The following HS3ST3A1 variants were observed in gnomAD, a reference collection of about 807,000 sequenced individuals.
HS3ST3A1 encodes the protein heparan sulfate-glucosamine 3-sulfotransferase 3A1, also known as heparan sulfate glucosamine 3-O-sulfotransferase 3A1.
HS3ST3A1 carries 19 observed loss-of-function variants against 25.7 expected under a neutral mutation model. The ratio of observed to expected loss-of-function variants is 0.74; its 90% CI spans 0.52 to 1.08. HS3ST3A1 has a LOEUF of 1.08. Ranked by LOEUF, HS3ST3A1 falls within the 50% of genes least tolerant of loss-of-function variation. HS3ST3A1 has a pLI of 0.00. For synonymous variants in HS3ST3A1, 226 were observed against 278.6 expected (o/e 0.81, Z 1.88); for missense variants, 459 against 594.3 (o/e 0.77, Z 2.37).
intron 1 of HS3ST3A1, among the ~76,000 whole-genome samples, chr17:13,537,019 C>G (rs1906790428): frequency 6.6e-6 from 1 of 152,168 alleles, no homozygotes; most frequent in African/African-American, 2.4e-5. Flanking sequence ...ACAGTACCTC[C>G]TCTGCAACTA....
chr17:13,578,357 G>A (rs996238743), intron 1 of HS3ST3A1, among the ~76,000 whole-genome samples: 39 of 148,852 alleles, frequency 2.6e-4, no homozygotes, highest in Admixed American at 1.2e-3. Flanking sequence ...AGACCAGCCC[G>A]GCCAACACGG....
At chr17:13,552,754 A>T (rs1222966134) in intron 1 of HS3ST3A1, among the ~76,000 whole-genome samples, 1 of 152,166 alleles carries the variant, frequency 6.6e-6, no homozygotes, top group African/African-American at 2.4e-5. Flanking sequence ...CACAGCTAAG[A>T]CCTTTCCCAA....
chr17:13,552,463 T>C (rs531852848), intron 1 of HS3ST3A1, among the ~76,000 whole-genome samples: 2 of 152,246 alleles, frequency 1.3e-5, no homozygotes, highest in Admixed American at 6.5e-5. Flanking sequence ...AAAATACGAT[T>C]CCAGTGTTGA....
intron 1 of HS3ST3A1, among the ~76,000 whole-genome samples, chr17:13,510,344 TA>T (rs1905819274): frequency 6.6e-6 from 1 of 152,212 alleles, no homozygotes; most frequent in Non-Finnish European, 1.5e-5. Flanking sequence ...CAGCTGGAGA[TA>T]AGGGGGGAAA....
intron 1 of HS3ST3A1, among the ~76,000 whole-genome samples, chr17:13,596,110 C>T (rs1908568821): frequency 6.6e-6 from 1 of 152,044 alleles, no homozygotes; most frequent in Non-Finnish European, 1.5e-5. Flanking sequence ...GAGATTATAA[C>T]GTAGTGGTGG....
chr17:13,531,789 A>T (rs1906613976), intron 1 of HS3ST3A1, among the ~76,000 whole-genome samples: 1 of 152,154 alleles, frequency 6.6e-6, no homozygotes, highest in African/African-American at 2.4e-5. Context: ...CTTCTTATTA[A>T]TATGCAAATT....
chr17:13,557,839 AC>A (rs2142362299), intron 1 of HS3ST3A1, among the ~76,000 whole-genome samples: 1 of 152,328 alleles, frequency 6.6e-6, no homozygotes, highest in African/African-American at 2.4e-5. Flanking sequence ...AGATCTCAAG[AC>A]CTGGAATCCT....
chr17:13,546,518 G>A (rs1384064137), intron 1 of HS3ST3A1, among the ~76,000 whole-genome samples: 4 of 152,106 alleles, frequency 2.6e-5, no homozygotes, highest in Admixed American at 6.5e-5. Flanking sequence ...TACCCGCCTC[G>A]GCCTCCCAAA....
Position 13,601,302 on chromosome 17 carries a change from C to T in HS3ST3A1, c.-173G>A, listed in dbSNP as rs1270174958. ...CAGCGGCCGGGGCTCCGCGGGGAAA[C>T]GGAATCCCGGGGGCCCCGCGCAGGA... On this transcript the variant is annotated 5_prime_UTR_variant, in exon 1 of 2. Transcript: ENST00000284110. 2 of 525,682 alleles carry T rather than the reference C, an allele frequency of 3.8e-6. No individual in the cohort carries two copies. The highest frequency in any genetic ancestry group is 8.3e-5 in the Admixed American group (2 of 23,958). The allele number at this position is 525,682 out of a possible 1,614,324, so 32.6% of individuals were successfully genotyped here. A position where few individuals can be genotyped will look rare whatever the true frequency, so the allele number is the denominator to read the frequency against.
chr17:13,582,136 A>G (rs2142383549), intron 1 of HS3ST3A1, among the ~76,000 whole-genome samples: 1 of 152,290 alleles, frequency 6.6e-6, no homozygotes, highest in East Asian at 1.9e-4. Context: ...TGGATGTTAT[A>G]AAAGGGGAAA....
At chr17:13,591,088 C>G (rs182464351) in intron 1 of HS3ST3A1, among the ~76,000 whole-genome samples, 1 of 148,998 alleles carries the variant, frequency 6.7e-6, no homozygotes, top group African/African-American at 2.5e-5. Flanking sequence ...ACTCTGTCAG[C>G]CAGACTGGAG....
At position 13,495,280 on chromosome 17, in the gene HS3ST3A1, A is replaced by G. The variant is rs918852701; in HGVS notation, c.*917T>C. 2.0e-5 allele frequency among the ~76,000 whole-genome samples: 3 copies of G among 152,110 alleles called. No homozygotes were observed. Among genetic ancestry groups the G allele is most frequent in the African/African-American group, 7.2e-5 (3 of 41,422 alleles). ...TAATTCCTCTCCAATTCAATCAAGC[A>G]TTCATCAGTCAAGATTTCCATATCT... is the stretch of plus-strand genomic sequence containing the variant. On this transcript the variant is annotated 3_prime_UTR_variant, in exon 2 of 2. Transcript: ENST00000284110.
intron 1 of HS3ST3A1, among the ~76,000 whole-genome samples, chr17:13,577,219 T>G (rs1454014216): frequency 1.3e-5 from 2 of 152,120 alleles, no homozygotes; most frequent in African/African-American, 4.8e-5. Context: ...GAGCTATAAT[T>G]CAAGATGAGA....
chr17:13,504,027 T>C (rs996658838), intron 1 of HS3ST3A1, among the ~76,000 whole-genome samples: 11 of 152,154 alleles, frequency 7.2e-5, no homozygotes, highest in African/African-American at 2.7e-4. Flanking sequence ...TTAAAACCTG[T>C]GAGTGGGCTG....
intron 1 of HS3ST3A1, among the ~76,000 whole-genome samples, chr17:13,568,272 A>T (rs1907724003): frequency 6.6e-6 from 1 of 152,228 alleles, no homozygotes. Flanking sequence ...CACGCTTAAT[A>T]GACTATAGTA....
rs556522623 is a variant in HS3ST3A1 at position 13,520,215 on chromosome 17, G to A, written c.600-23397C>T. Among the ~76,000 whole-genome samples, 3 of 152,304 alleles carry A rather than the reference G, an allele frequency of 2.0e-5. No individual in the cohort carries two copies. In the South Asian group the frequency reaches 6.2e-4, roughly 32 times the overall value. ...TGTTATTGCTATTGACACTCTTCAT[G>A]TCTCTTATGCTATTGCTTTGACTCA... On this transcript the variant is annotated intron_variant, in intron 1 of 1. Transcript: ENST00000284110.
At chr17:13,513,030 A>G (rs183879098) in intron 1 of HS3ST3A1, among the ~76,000 whole-genome samples, 331 of 152,346 alleles carry the variant, frequency 2.2e-3, no homozygotes, top group Non-Finnish European at 3.8e-3. Context: ...AGCTTGATTC[A>G]TAACTTTTTA....
chr17:13,517,691 G>A (rs191665235), intron 1 of HS3ST3A1, among the ~76,000 whole-genome samples: 3 of 152,012 alleles, frequency 2.0e-5, no homozygotes, highest in African/African-American at 4.8e-5. Flanking sequence ...TCACTCTGTC[G>A]CCGAGGCTGG....
At chr17:13,585,186 CTTTTTTTTTT>C (rs71144977) in intron 1 of HS3ST3A1, among the ~76,000 whole-genome samples, 21 of 33,248 alleles carry the variant, frequency 6.3e-4, no homozygotes, top group East Asian at 4.2e-3. Context: ...TTTTTCTGTG[CTTTTTTTTTT>C]TTTTTTTTTT....
Sources: allele counts gnomAD v4.1 joint callset (sites outside exome capture counted in the v4.1 genomes callset), GRCh38; gene constraint gnomAD v4.1.1; transcripts MANE v1.5; gene names NCBI Gene and HGNC (gene_info 2026-07-23, HGNC 2026-07-21).